The following PNLDC1 variants were observed in gnomAD, a reference collection of about 807,000 sequenced individuals.
PNLDC1 encodes poly(A)-specific ribonuclease PNLDC1.
Under a neutral mutation model 82.0 loss-of-function variants are expected in PNLDC1, and 70 were observed. That is an observed-to-expected ratio of 0.85 (90% confidence interval 0.70 to 1.04). PNLDC1 has a LOEUF of 1.04. Ranked by LOEUF, PNLDC1 falls within the 50% of genes least tolerant of loss-of-function variation. The pLI, the probability that PNLDC1 is intolerant of heterozygous loss-of-function variation, is 0.00. For synonymous variants in PNLDC1, 280 were observed against 249.3 expected, an observed-to-expected ratio of 1.12 and a Z score of -1.16; for missense variants, 631 against 661.1, an observed-to-expected ratio of 0.95 and a Z score of 0.50.
intron 2 of PNLDC1, 26 bp downstream of exon 2, chr6:159,800,855 G>A (rs1781222994): frequency 6.2e-7 from 1 of 1,613,986 alleles, no homozygotes; most frequent in South Asian, 1.1e-5. Flanking sequence ...TGTCCCCTCT[G>A]TATAAGAGCC....
intron 3 of PNLDC1, among the ~76,000 whole-genome samples, chr6:159,802,910 A>G (rs1447132897): frequency 1.3e-5 from 2 of 151,136 alleles, no homozygotes; most frequent in South Asian, 2.1e-4. Flanking sequence ...TTAACTTTGC[A>G]TATGGTTTTC....
In PNLDC1 at chr6:159,818,675, C is replaced by G. The variant is rs74984325; in HGVS notation, c.1257+21C>G. 605 of 1,599,792 alleles carry G rather than the reference C, an allele frequency of 3.8e-4. 1 individual carries two copies. The African/African-American group carries it at 6.8e-3, about 18-fold the overall frequency. On this transcript the variant is annotated intron_variant, in intron 16 of 18. Transcript: ENST00000392167. ...AGATCGTGAGTAGATCTCATTTGGC[C>G]CCCTCGCCCCATTCAGAGTTCAGAG...
At position 159,800,339 on chromosome 6, in the gene PNLDC1, G is replaced by A. The variant is rs769874299; in HGVS notation, c.32G>A (p.Ser11Asn). 50 of 1,547,594 alleles carry A rather than the reference G, an allele frequency of 3.2e-5. No homozygotes were observed. The South Asian group carries it at 5.5e-4, about 17-fold the overall frequency. The change falls in exon 1 of 19, where the codon AGC becomes AAC. Residue 11 changes from serine to asparagine, a missense_variant. Transcript: ENST00000392167. The part of the protein sequence containing the change: MDVGADEFEE[S>N]LPLLQELVQE... ...GTGGGCGCCGACGAGTTCGAGGAGA[G>A]CCTCCCTCTGCTGCAGGAGCTCGTC...
At position 159,804,596 on chromosome 6, in the gene PNLDC1, A is replaced by G; in HGVS notation, c.420A>G (p.Lys140=). 6.2e-7 allele frequency: 1 copy of G among 1,611,452 alleles called. No individual in the cohort carries two copies. Among genetic ancestry groups the G allele is most frequent in the Non-Finnish European group, 8.5e-7 (1 of 1,177,572 alleles). ...IPYMNEEQEK[K]IRHDILTGNW... is the part of the protein sequence containing the mutation. ...ATATGAATGAAGAACAGGAGAAGAA[A>G]ATTAGACACGATATCCTGACTGGGA... The change falls in exon 6 of 19, where the codon AAA becomes AAG. Residue 140 remains lysine, a synonymous_variant. Coordinates refer to ENST00000392167, the MANE Select transcript of PNLDC1 (RefSeq NM_001271862.2).
intron 7 of PNLDC1, among the ~76,000 whole-genome samples, chr6:159,807,629 C>T (rs1175501527): frequency 6.6e-6 from 1 of 152,206 alleles, no homozygotes; most frequent in Non-Finnish European, 1.5e-5. Context: ...CATAACCCTG[C>T]CAACCAGCAT....
Position 159,808,680 on chromosome 6 carries a change from T to C in PNLDC1, c.563-60T>C, listed in dbSNP as rs11969728. ...AGCTTCTGCTCCTCCAGGGCTTCTC[T>C]TGTGGGGAACATGCCACACGGTTCC... is the stretch of plus-strand genomic sequence containing the variant. On this transcript the variant is annotated intron_variant, in intron 7 of 18. Coordinates refer to ENST00000392167, the MANE Select transcript of PNLDC1 (RefSeq NM_001271862.2). 2.9e-3 allele frequency: 4,288 copies of C among 1,490,592 alleles called. 103 individuals carry two copies. In the African/African-American group the frequency reaches 0.049, roughly 17 times the overall value. The allele number at this position is 1,490,592 out of a possible 1,614,324, so 92.3% of individuals were successfully genotyped here. A position where few individuals can be genotyped will look rare whatever the true frequency, so the allele number is the denominator to read the frequency against.
At chr6:159,808,993 G>A in intron 8 of PNLDC1, 22 bp from the exon 9 acceptor site, 1 of 1,609,050 alleles carries the variant, frequency 6.2e-7, no homozygotes, top group Non-Finnish European at 8.5e-7. Flanking sequence ...CAGGATTCAG[G>A]GAATTTGTCC....
intron 7 of PNLDC1, among the ~76,000 whole-genome samples, chr6:159,808,392 A>G (rs1002495949): frequency 6.6e-6 from 1 of 152,140 alleles, no homozygotes; most frequent in Non-Finnish European, 1.5e-5. Flanking sequence ...ATTTTTGTTC[A>G]TGTATAATGG....
intron 15 of PNLDC1, among the ~76,000 whole-genome samples, chr6:159,817,573 A>G (rs1781878152): frequency 6.6e-6 from 1 of 152,250 alleles, no homozygotes; most frequent in African/African-American, 2.4e-5. Context: ...TGTTGGGGGC[A>G]CATAGGCTAG....
chr6:159,816,080 G>A (rs759638639), intron 13 of PNLDC1, 47 bp downstream of exon 13: 10 of 1,311,424 alleles, frequency 7.6e-6, no homozygotes, highest in Middle Eastern at 2.0e-4. Context: ...GCAGAGTGCT[G>A]AGGTGCTCAG....
chr6:159,816,693 G>A, intron 14 of PNLDC1, 97 bp downstream of exon 14: 2 of 1,123,382 alleles, frequency 1.8e-6, no homozygotes, highest in Non-Finnish European at 2.6e-6. Context: ...GTACAGTGGT[G>A]AGGATCTCGG....
rs754738373 is a variant in PNLDC1 at position 159,810,112 on chromosome 6, C to G, written c.853+17C>G. The G allele has an allele frequency of 6.2e-7, 1 of 1,605,834 alleles. No individual in the cohort carries two copies. Among genetic ancestry groups the G allele is most frequent in the Non-Finnish European group, 8.5e-7 (1 of 1,172,466 alleles). Reference sequence around the variant, plus strand: ...CCCTCCCAGGTAGGGGCAAACCTGTCATTTCTCTTCCTTCACGCTAGTTTG... The same window carrying G: ...CCCTCCCAGGTAGGGGCAAACCTGTGATTTCTCTTCCTTCACGCTAGTTTG... On this transcript the variant is annotated intron_variant, in intron 10 of 18. Transcript: ENST00000392167.
chr6:159,800,769 CA>C lies in PNLDC1; in HGVS notation c.77-2del. 6.2e-7 allele frequency: 1 copy of C among 1,614,180 alleles called. No homozygotes were observed. Among genetic ancestry groups the C allele is most frequent in the Non-Finnish European group, 8.5e-7 (1 of 1,180,036 alleles). On this transcript the variant is annotated splice_acceptor_variant, in intron 1 of 18. Transcript: ENST00000392167. LOFTEE classifies it high-confidence loss of function. The stretch of plus-strand genomic sequence containing the variant: ...GGACTGCTATTTTTTGCCTTCCTGG[CA>C]GGTCTGGACATAGAGTTCACGGGCC...
upstream of PNLDC1, chr6:159,800,131 C>A: frequency 1.8e-6 from 1 of 552,928 alleles, no homozygotes; most frequent in East Asian, 3.0e-5. Flanking sequence ...ATTAAAACAC[C>A]CGCAGGCAGG....
At chr6:159,812,906 C>T (rs976430860) in intron 11 of PNLDC1, among the ~76,000 whole-genome samples, 1 of 152,124 alleles carries the variant, frequency 6.6e-6, no homozygotes, top group African/African-American at 2.4e-5. Context: ...ACCTCCAGTC[C>T]TGGCTACTTG....
At chr6:159,807,468 A>G (rs1010447146) in intron 7 of PNLDC1, among the ~76,000 whole-genome samples, 4 of 152,208 alleles carry the variant, frequency 2.6e-5, no homozygotes, top group African/African-American at 9.6e-5. Context: ...TACAGCTTTC[A>G]ATCAACTGGA....
chr6:159,807,398 G>GA (rs34179367), intron 7 of PNLDC1, among the ~76,000 whole-genome samples: 65,471 of 148,024 alleles, frequency 0.44, 15,937 homozygotes, highest in Non-Finnish European at 0.55. Context: ...TGTTTCAAAG[G>GA]AAAAAAAAAA....
At chr6:159,815,842 T>G in intron 12 of PNLDC1, 127 bp from the exon 13 acceptor site, 1 of 686,360 alleles carries the variant, frequency 1.5e-6, no homozygotes, top group Non-Finnish European at 2.5e-6. Flanking sequence ...CATGCTTAGA[T>G]TTGCACCTTA....
At chr6:159,816,113 T>TCCCCCCCCCCCCC in intron 13 of PNLDC1, 80 bp downstream of exon 13, 1 of 626,180 alleles carries the variant, frequency 1.6e-6, no homozygotes, top group Non-Finnish European at 2.0e-6. Flanking sequence ...TTGACCCTGG[T>TCCCCCCCCCCCCC]TCCCCCACAC....
Sources: allele counts gnomAD v4.1 joint callset (sites outside exome capture counted in the v4.1 genomes callset), GRCh38; gene constraint gnomAD v4.1.1; transcripts MANE v1.5; gene names NCBI Gene and HGNC (gene_info 2026-07-23, HGNC 2026-07-21).